Variants in MAP6 observed in about 807,000 individuals in gnomAD.
MAP6 encodes microtubule-associated protein 6.
A neutral mutation model predicts 42.4 loss-of-function variants in MAP6; 26 were observed. That is an observed-to-expected ratio of 0.61 (90% CI 0.45 to 0.85). MAP6 has a LOEUF of 0.85. Ranked by LOEUF, MAP6 falls within the 40% of genes least tolerant of loss-of-function variation. MAP6 has a pLI of 0.00. For synonymous variants in MAP6, 418 were observed against 443.8 expected, an observed-to-expected ratio of 0.94 and a Z score of 0.73; for missense variants, 966 against 1,099.0, an observed-to-expected ratio of 0.88 and a Z score of 1.71.
intron 1 of MAP6, among the ~76,000 whole-genome samples, chr11:75,644,953 C>T (rs183839852): frequency 1.3e-5 from 2 of 152,106 alleles, no homozygotes; most frequent in Non-Finnish European, 1.5e-5. Context: ...GCAGTAAAGG[C>T]AGCTAAAAGC....
In MAP6 at chr11:75,667,545, A is replaced by T; in HGVS notation, c.825T>A (p.Ala275=). 2.0e-6 allele frequency: 3 copies of T among 1,489,666 alleles called. No homozygotes were observed. Among genetic ancestry groups the T allele is most frequent in the Non-Finnish European group, 2.7e-6 (3 of 1,127,776 alleles). 92.3% of individuals were successfully genotyped at this position (1,489,666 alleles called of 1,614,324 possible). A position where few individuals can be genotyped will look rare whatever the true frequency, so the allele number is the denominator to read the frequency against. Residue 275 remains alanine (A), a synonymous_variant, in exon 1 of 4, where the codon GCT becomes GCA. Coordinates refer to ENST00000304771, the MANE Select transcript of MAP6 (RefSeq NM_033063.2). The surrounding 1 kb of genome is among the most constrained non-coding windows in gnomAD (Gnocchi z 5.6). ...QAQVQATGPE[A]GRGRAAADAL... is the part of the protein sequence containing the mutation. ...CGTCCGCCGCGGCGCGCCCCCTGCC[A>T]GCCTCGGGGCCGGTGGCCTGGACCT... is the stretch of plus-strand genomic sequence containing the variant.
chr11:75,609,552 C>T (rs73488414), intron 1 of MAP6, among the ~76,000 whole-genome samples: 1,955 of 152,322 alleles, frequency 0.013, 58 homozygotes, highest in African/African-American at 0.045. Flanking sequence ...GCAGGCCTTT[C>T]CCTGCTCTGA....
chr11:75,667,877 G>A lies in MAP6; in HGVS notation c.493C>T (p.Leu165=). The change falls in exon 1 of 4, where the codon CTG becomes TTG. Residue 165 remains leucine, a synonymous_variant. Transcript: ENST00000304771. The surrounding 1 kb of genome is among the most constrained non-coding windows in gnomAD (Gnocchi z 5.6). ...QYQKDFRAWP[L]PRRGDHPWIP... The stretch of plus-strand genomic sequence containing the variant: ...CACGGGTGGTCCCCGCGGCGCGGCA[G>A]CGGCCAGGCGCGGAAGTCCTTCTGG... 6.9e-7 allele frequency: 1 copy of A among 1,445,446 alleles called. No homozygotes were observed. The highest frequency in any genetic ancestry group is 9.1e-7 in the Non-Finnish European group (1 of 1,096,298). 89.5% of individuals were successfully genotyped at this position (1,445,446 alleles called of 1,614,324 possible).
At chr11:75,656,450 C>T (rs1019846462) in intron 1 of MAP6, among the ~76,000 whole-genome samples, 4 of 152,148 alleles carry the variant, frequency 2.6e-5, no homozygotes, top group Non-Finnish European at 5.9e-5. Flanking sequence ...ATACACAGCA[C>T]GGGTAGTTCC....
chr11:75,650,338 G>A (rs1182613433), intron 1 of MAP6, among the ~76,000 whole-genome samples: 1 of 152,234 alleles, frequency 6.6e-6, no homozygotes, highest in Non-Finnish European at 1.5e-5. Flanking sequence ...TCAGATGACA[G>A]ATCCAACTCC....
At chr11:75,607,867 A>C (rs1356921779) in intron 2 of MAP6, among the ~76,000 whole-genome samples, 1 of 152,264 alleles carries the variant, frequency 6.6e-6, no homozygotes, top group Non-Finnish European at 1.5e-5. Flanking sequence ...ATTCCCTGGA[A>C]ATCTGCCAGC....
chr11:75,615,952 C>CG (rs1774144177), intron 1 of MAP6, among the ~76,000 whole-genome samples: 1 of 24,166 alleles, frequency 4.1e-5, no homozygotes, highest in African/African-American at 2.2e-4. Context: ...CAGGAGTGCG[C>CG]GGGGCGGCAG....
chr11:75,667,517 G>T lies in MAP6; in HGVS notation c.853C>A (p.Leu285Ile). The T allele has an allele frequency of 6.6e-7, 1 of 1,505,354 alleles. No homozygotes were observed. Among genetic ancestry groups the T allele is most frequent in the East Asian group, 2.8e-5 (1 of 35,442 alleles). The allele number at this position is 1,505,354 out of a possible 1,614,324, so 93.2% of individuals were successfully genotyped here. A position where few individuals can be genotyped will look rare whatever the true frequency, so the allele number is the denominator to read the frequency against. ...AGRGRAAADALNRQIREEVAS... is the reference protein window; with the variant it reads ...AGRGRAAADAINRQIREEVAS... ...ACCTCCTCGCGGATTTGCCGGTTGA[G>T]GGCGTCCGCCGCGGCGCGCCCCCTG... The change falls in exon 1 of 4, where the codon CTC becomes ATC. Residue 285 changes from leucine to isoleucine, a missense_variant. Physicochemically the swap from Leu to Ile is conservative, Grantham distance 5. Coordinates refer to ENST00000304771, the MANE Select transcript of MAP6 (RefSeq NM_033063.2). This position sits in a 1 kb window ranked among gnomAD's most constrained non-coding sequence, Gnocchi z 5.6.
chr11:75,651,856 A>G (rs527419528), intron 1 of MAP6, among the ~76,000 whole-genome samples: 1 of 152,356 alleles, frequency 6.6e-6, no homozygotes, highest in South Asian at 2.1e-4. Flanking sequence ...AGAGTCTGAA[A>G]CTTGGTAACA....
chr11:75,631,709 C>T (rs1294868302), intron 1 of MAP6, among the ~76,000 whole-genome samples: 1 of 152,204 alleles, frequency 6.6e-6, no homozygotes, highest in Non-Finnish European at 1.5e-5. Context: ...GCAGAGCACA[C>T]TTATATCCTC....
chr11:75,614,626 C>T (rs1942963957), intron 1 of MAP6, among the ~76,000 whole-genome samples: 1 of 152,218 alleles, frequency 6.6e-6, no homozygotes, highest in Non-Finnish European at 1.5e-5. Context: ...AGACCCAAAC[C>T]ACCCTTCACA....
chr11:75,666,576 A>G (rs1168064931), intron 1 of MAP6, among the ~76,000 whole-genome samples: 5 of 152,226 alleles, frequency 3.3e-5, no homozygotes, highest in African/African-American at 1.2e-4. Context: ...ATAAGGTATC[A>G]TGTGGAAGGT....
At chr11:75,643,024 T>C in intron 1 of MAP6, 2 of 282,196 alleles carry the variant, frequency 7.1e-6, no homozygotes, top group Middle Eastern at 1.5e-3. Context: ...CCTGTATTCA[T>C]AGTCTATTTT....
chr11:75,658,404 C>CT (rs71036064), intron 1 of MAP6, among the ~76,000 whole-genome samples: 81,431 of 151,580 alleles, frequency 0.54, 22,021 homozygotes, highest in Middle Eastern at 0.63. Context: ...CCACCCCCCC[C>CT]GCCCCAGACA....
At chr11:75,632,766 T>G (rs575270481) in intron 1 of MAP6, among the ~76,000 whole-genome samples, 29 of 152,212 alleles carry the variant, frequency 1.9e-4, no homozygotes, top group African/African-American at 6.3e-4. Flanking sequence ...CATCTATCCA[T>G]CCAGCCAGCC....
At chr11:75,631,901 T>C (rs573735574) in intron 1 of MAP6, among the ~76,000 whole-genome samples, 5 of 152,378 alleles carry the variant, frequency 3.3e-5, no homozygotes, top group Non-Finnish European at 7.3e-5. Context: ...ATTTCTGGTA[T>C]ATTTTGCTGA....
chr11:75,616,856 G>A (rs1943003210), intron 1 of MAP6, among the ~76,000 whole-genome samples: 1 of 152,232 alleles, frequency 6.6e-6, no homozygotes, highest in African/African-American at 2.4e-5. Context: ...TTAATATCCA[G>A]TAAGTACATG....
intron 3 of MAP6, among the ~76,000 whole-genome samples, chr11:75,592,420 T>C (rs1942497874): frequency 6.6e-6 from 1 of 152,244 alleles, no homozygotes; most frequent in African/African-American, 2.4e-5. Context: ...TGCTGAAAGC[T>C]GGTTCATCCT....
intron 1 of MAP6, among the ~76,000 whole-genome samples, chr11:75,613,820 G>GGCCA (rs1255537738): frequency 6.6e-6 from 1 of 152,126 alleles, no homozygotes; most frequent in Non-Finnish European, 1.5e-5. Context: ...GAGAAGGCTG[G>GGCCA]GCCAGCCTTC....
Sources: gnomAD v4.1 joint callset for allele counts (sites outside exome capture counted in the v4.1 genomes callset) on GRCh38, gnomAD v4.1.1 for gene constraint, Gnocchi (gnomAD v3.1) non-coding constraint, MANE v1.5 for transcripts, NCBI Gene and HGNC (gene_info 2026-07-23, HGNC 2026-07-21) for gene names.